The following GRSF1 variants were observed in gnomAD, a reference collection of about 807,000 sequenced individuals.
GRSF1 encodes G-rich sequence factor 1.
GRSF1 carries 50 observed loss-of-function variants against 51.1 expected under a neutral mutation model. The ratio of observed to expected loss-of-function variants is 0.98; its 90% confidence interval spans 0.78 to 1.24. The LOEUF (loss-of-function observed/expected upper bound fraction) is 1.24. Ranked by LOEUF, GRSF1 falls within the 50% of genes most tolerant of loss-of-function variation. GRSF1 has a pLI of 0.00. For synonymous variants in GRSF1, 293 were observed against 253.3 expected, an observed-to-expected ratio of 1.16 and a Z score of -1.49; for missense variants, 700 against 639.7, an observed-to-expected ratio of 1.09 and a Z score of -1.02.
Position 70,839,514 on chromosome 4 carries a change from G to A in GRSF1, c.314C>T (p.Ser105Leu), listed in dbSNP as rs1734373883. 3.5e-6 allele frequency: 5 copies of A among 1,433,930 alleles called. No individual in the cohort carries two copies. The highest frequency in any genetic ancestry group is 3.6e-6 in the Non-Finnish European group (4 of 1,101,492). The allele number at this position is 1,433,930 out of a possible 1,614,324, so 88.8% of individuals were successfully genotyped here. ...CGGGACGGCGGCCGCCGCCGCCAGC[G>A]ACTGCGGCAGCAGAGAGGCACGGAG... ...SALRASLLPQSLAAAAAVPTR... is the reference protein window; with the variant it reads ...SALRASLLPQLLAAAAAVPTR... Residue 105 changes from serine (S) to leucine (L), a missense_variant, in exon 1 of 10, where the codon TCG (serine) becomes TTG (leucine). Ser to Leu is a moderately radical substitution (Grantham distance 145). Coordinates refer to ENST00000254799, the MANE Select transcript of GRSF1 (RefSeq NM_002092.4).
At position 70,819,475 on chromosome 4, in the gene GRSF1, G is replaced by A. The variant is rs1733426838; in HGVS notation, c.*1412C>T. On this transcript the variant is annotated 3_prime_UTR_variant, in exon 10 of 10. Coordinates refer to ENST00000254799, the MANE Select transcript of GRSF1 (RefSeq NM_002092.4). ...TTATATTAATATAGCAGGACTTGAG[G>A]TAATAATATATTCAGTTGACTCACA... 6.6e-6 allele frequency: 1 copy of A among 152,078 alleles called. No individual in the cohort carries two copies. Among genetic ancestry groups the A allele is most frequent in the Admixed American group, 6.6e-5 (1 of 15,256 alleles). 9.4% of individuals were successfully genotyped at this position (152,078 alleles called of 1,614,324 possible).
chr4:70,822,510 G>A (rs929528268), intron 9 of GRSF1, among the ~76,000 whole-genome samples: 3 of 151,526 alleles, frequency 2.0e-5, no homozygotes, highest in Non-Finnish European at 4.4e-5. Context: ...TTGAACCCGG[G>A]AGGCAGGGGT....
chr4:70,827,644 G>A (rs544275756), intron 6 of GRSF1, among the ~76,000 whole-genome samples: 101 of 152,154 alleles, frequency 6.6e-4, no homozygotes, highest in African/African-American at 2.4e-3. Flanking sequence ...TGCGCGTGGC[G>A]GCATGCGCCT....
intron 6 of GRSF1, among the ~76,000 whole-genome samples, chr4:70,827,503 G>A (rs1733783144): frequency 1.3e-5 from 2 of 152,014 alleles, no homozygotes; most frequent in Non-Finnish European, 2.9e-5. Context: ...TAAATCTTTA[G>A]GCCGGGTGTG....
At chr4:70,840,698 G>T (rs568433478), upstream of GRSF1, among the ~76,000 whole-genome samples, 1 of 152,146 alleles carries the variant, frequency 6.6e-6, no homozygotes. Flanking sequence ...AGGAGGCGGA[G>T]GTTGCAGTGA....
intron 5 of GRSF1, among the ~76,000 whole-genome samples, chr4:70,830,867 T>C (rs1008439064): frequency 1.3e-5 from 2 of 152,062 alleles, no homozygotes; most frequent in African/African-American, 2.4e-5. Flanking sequence ...AAAATGCTAT[T>C]ATGAACTGTT....
intron 8 of GRSF1, among the ~76,000 whole-genome samples, chr4:70,825,083 CA>C (rs904308727): frequency 1.3e-4 from 18 of 142,154 alleles, no homozygotes; most frequent in Admixed American, 4.2e-4. Context: ...GCGTGGGTGA[CA>C]AAAAAAAAAG....
chr4:70,823,351 C>T (rs534916322), intron 9 of GRSF1, among the ~76,000 whole-genome samples: 41 of 151,778 alleles, frequency 2.7e-4, no homozygotes, highest in South Asian at 1.2e-3. Context: ...GAGTGGAGAT[C>T]GAGCCATTGC....
intron 2 of GRSF1, among the ~76,000 whole-genome samples, chr4:70,834,062 C>T (rs928556083): frequency 5.3e-5 from 8 of 152,086 alleles, no homozygotes; most frequent in Non-Finnish European, 1.0e-4. Context: ...AGTTTGAGAC[C>T]AACCTGGCCA....
rs769022123 is a variant in GRSF1, at chr4:70,839,692, G to A, written c.136C>T (p.Arg46Cys). The change falls in exon 1 of 10, where the codon CGC (arginine) becomes TGC (cysteine). Residue 46 changes from arginine to cysteine, a missense_variant. Arg to Cys is a radical substitution (Grantham distance 180, BLOSUM62 -3). Coordinates refer to ENST00000254799, the MANE Select transcript of GRSF1 (RefSeq NM_002092.4). ...CCGAGCAGCAGCAGCAGGCGGCGGC[G>A]GCCCGAGACGCCCGACGGGATAGAG... is the stretch of plus-strand genomic sequence containing the variant. ...AGSIPSGVSG[R>C]RRLLLLLGAA... is the part of the protein sequence containing the mutation. 1.4e-6 allele frequency: 2 copies of A among 1,452,300 alleles called. No homozygotes were observed. Among genetic ancestry groups the A allele is most frequent in the East Asian group, 3.0e-5 (1 of 33,624 alleles). The allele number at this position is 1,452,300 out of a possible 1,614,324, so 90.0% of individuals were successfully genotyped here.
chr4:70,833,885 G>A (rs1047567969), intron 2 of GRSF1, among the ~76,000 whole-genome samples: 2 of 152,008 alleles, frequency 1.3e-5, no homozygotes, highest in African/African-American at 4.8e-5. Flanking sequence ...TGGCCAAGTG[G>A]CTTTAAAAAA....
At chr4:70,827,771 T>A in intron 6 of GRSF1, 81 bp downstream of exon 6, 1 of 984,760 alleles carries the variant, frequency 1.0e-6, no homozygotes, top group Non-Finnish European at 1.5e-6. Context: ...GAGCGAGACT[T>A]CATCTCAAAA....
intron 1 of GRSF1, 41 bp downstream of exon 1, chr4:70,839,430 G>C: frequency 6.7e-7 from 1 of 1,490,408 alleles, no homozygotes; most frequent in East Asian, 2.6e-5. Context: ...CACGCGGCCC[G>C]GGAGGGATCT....
chr4:70,830,389 G>T (rs897636068), intron 5 of GRSF1, among the ~76,000 whole-genome samples: 4 of 151,130 alleles, frequency 2.6e-5, no homozygotes. Flanking sequence ...AGGCTGTAGT[G>T]AGCTATCATC....
chr4:70,833,548 T>A (rs779294378), intron 2 of GRSF1, among the ~76,000 whole-genome samples: 1 of 152,194 alleles, frequency 6.6e-6, no homozygotes, highest in African/African-American at 2.4e-5. Context: ...ACAAAATTCA[T>A]TATTTCTATT....
chr4:70,833,634 T>A (rs72851809), intron 2 of GRSF1, among the ~76,000 whole-genome samples: 3,430 of 152,316 alleles, frequency 0.023, 115 homozygotes, highest in East Asian at 0.15. Flanking sequence ...TAAAATCATC[T>A]CCATAGGTCT....
chr4:70,836,432 A>G lies in GRSF1; in HGVS notation c.358-118T>C. On this transcript the variant is annotated intron_variant, in intron 1 of 9. Transcript: ENST00000254799. ...CATTCTAGATGTTATTTCAGAAGCA[A>G]AAAGTAAACTTCACCAATGTAACCC... is the stretch of plus-strand genomic sequence containing the variant. 5.4e-6 allele frequency: 4 copies of G among 746,478 alleles called. No homozygotes were observed. The South Asian group carries it at 1.0e-4, about 19-fold the overall frequency. 46.2% of individuals were successfully genotyped at this position (746,478 alleles called of 1,614,324 possible).
chr4:70,827,244 C>T (rs1416988581), intron 6 of GRSF1, among the ~76,000 whole-genome samples: 5 of 150,354 alleles, frequency 3.3e-5, no homozygotes, highest in Non-Finnish European at 5.9e-5. Flanking sequence ...GCCGAGAGTG[C>T]GCCACTGCAC....
chr4:70,835,999 T>C (rs187365602), intron 2 of GRSF1, among the ~76,000 whole-genome samples, 159 bp downstream of exon 2: 3 of 152,288 alleles, frequency 2.0e-5, no homozygotes, highest in Admixed American at 2.0e-4. Flanking sequence ...AATGAGACAG[T>C]TCCCAACCAT....
Sources: gnomAD v4.1 joint callset for allele counts (sites outside exome capture counted in the v4.1 genomes callset) on GRCh38, gnomAD v4.1.1 for gene constraint, MANE v1.5 for transcripts, NCBI Gene and HGNC (gene_info 2026-07-23, HGNC 2026-07-21) for gene names.